The following ENKUR variants were observed in gnomAD, a reference collection of about 807,000 sequenced individuals.
ENKUR encodes the protein enkurin, TRPC channel interacting protein.
A neutral mutation model predicts 27.6 loss-of-function variants in ENKUR; 19 were observed. The ratio of observed to expected loss-of-function variants is 0.69; its 90% CI spans 0.48 to 1.01. ENKUR has a LOEUF of 1.01. ENKUR is among the 50% of genes least tolerant of loss of function. The pLI is 0.00. For synonymous variants in ENKUR, 117 were observed against 96.9 expected (o/e 1.21, Z -1.22); for missense variants, 312 against 310.5 (o/e 1.00, Z -0.04).
chr10:25,040,260 T>C (rs143924254), intron 2 of ENKUR, among the ~76,000 whole-genome samples: 11 of 152,252 alleles, frequency 7.2e-5, no homozygotes, highest in Admixed American at 1.3e-4. Flanking sequence ...GAAACAGATT[T>C]CACTCCTTGA....
chr10:25,000,268 G>A (rs1213111681), intron 1 of ENKUR, among the ~76,000 whole-genome samples: 1 of 152,074 alleles, frequency 6.6e-6, no homozygotes, highest in Non-Finnish European at 1.5e-5. Context: ...TAAATGTTCT[G>A]TATACACTTG....
chr10:25,017,284 A>T (rs1027006460), upstream of ENKUR, among the ~76,000 whole-genome samples: 3 of 152,136 alleles, frequency 2.0e-5, no homozygotes, highest in Admixed American at 1.3e-4. Flanking sequence ...TCACCCGTAA[A>T]TCTATGCACA....
At chr10:25,016,361 T>C (rs935328315), upstream of ENKUR, among the ~76,000 whole-genome samples, 9 of 152,190 alleles carry the variant, frequency 5.9e-5, no homozygotes, top group South Asian at 1.0e-3. Context: ...TCTGTGTATC[T>C]GGGGAAAAAA....
At chr10:24,997,752 A>C (rs1037526760) in intron 2 of ENKUR, among the ~76,000 whole-genome samples, 2 of 151,476 alleles carry the variant, frequency 1.3e-5, no homozygotes, top group African/African-American at 4.9e-5. Context: ...CTTTTGCCTT[A>C]CAATGTTTAC....
chr10:25,049,609 G>GA, intron 2 of ENKUR, among the ~76,000 whole-genome samples: 1 of 151,982 alleles, frequency 6.6e-6, no homozygotes, highest in Admixed American at 6.6e-5. Flanking sequence ...CCAACATGGT[G>GA]AACCCTCATC....
chr10:24,987,386 C>A (rs1341803514), intron 4 of ENKUR, among the ~76,000 whole-genome samples: 1 of 152,032 alleles, frequency 6.6e-6, no homozygotes, highest in Non-Finnish European at 1.5e-5. Flanking sequence ...CCTGCAATCC[C>A]AACACTTTGA....
intron 2 of ENKUR, among the ~76,000 whole-genome samples, chr10:25,027,357 C>CAA (rs71399946): frequency 0.022 from 1,062 of 48,384 alleles, 127 homozygotes; most frequent in Non-Finnish European, 0.03. Context: ...ACTCCCGTCT[C>CAA]AAAAAAAAAA....
Position 25,061,386 on chromosome 10 carries a change from C to T in ENKUR, c.-221-17G>A, listed in dbSNP as rs1851326019. On this transcript the variant is annotated splice_polypyrimidine_tract_variant and intron_variant, in intron 1 of 5. Transcript: ENST00000615958. ...TCATGGGCTCTGGAAGGAGGAGTAA[C>T]AGTGCACAGATGGCAAGGTGGAACC... 3 of 518,692 alleles carry T rather than the reference C, an allele frequency of 5.8e-6. No individual in the cohort carries two copies. In the South Asian group the frequency reaches 8.0e-5, roughly 14 times the overall value. 32.1% of individuals were successfully genotyped at this position (518,692 alleles called of 1,614,324 possible). A position where few individuals can be genotyped will look rare whatever the true frequency, so the allele number is the denominator to read the frequency against.
At chr10:25,023,295 A>C (rs1850761581) in intron 2 of ENKUR, 1 of 1,614,040 alleles carries the variant, frequency 6.2e-7, no homozygotes, top group African/African-American at 1.3e-5. Flanking sequence ...TACATGTTAA[A>C]ACGGATAAAC....
intron 1 of ENKUR, among the ~76,000 whole-genome samples, chr10:25,007,385 C>T (rs1487325416): frequency 4.6e-5 from 7 of 152,010 alleles, no homozygotes; most frequent in Admixed American, 4.6e-4. Flanking sequence ...GTGCTAATGC[C>T]TTTTACCACG....
chr10:25,023,480 T>G (rs1432192570), intron 2 of ENKUR: 1 of 1,614,154 alleles, frequency 6.2e-7, no homozygotes, highest in East Asian at 2.2e-5. Flanking sequence ...GTCATAGATG[T>G]GGATGATGAT....
rs566006980 is a variant in ENKUR at position 24,982,501 on chromosome 10, G to C, written c.*1869C>G. The C allele has an allele frequency of 6.6e-6, 1 of 152,338 alleles. No homozygotes were observed. The highest frequency in any genetic ancestry group is 6.5e-5 in the Admixed American group (1 of 15,302). 9.4% of individuals were successfully genotyped at this position (152,338 alleles called of 1,614,324 possible). A position where few individuals can be genotyped will look rare whatever the true frequency, so the allele number is the denominator to read the frequency against. Reference sequence around the variant, plus strand: ...AACCAAGTCAAACTAGCTGCATAATGAAGTTTGACTTTTTAGTTTCAGGTG... The same window carrying C: ...AACCAAGTCAAACTAGCTGCATAATCAAGTTTGACTTTTTAGTTTCAGGTG... On this transcript the variant is annotated 3_prime_UTR_variant, in exon 6 of 6. Coordinates refer to ENST00000331161, the MANE Select transcript of ENKUR (RefSeq NM_145010.4).
At chr10:25,058,813 C>T (rs556251212) in intron 2 of ENKUR, among the ~76,000 whole-genome samples, 1 of 151,938 alleles carries the variant, frequency 6.6e-6, no homozygotes, top group Non-Finnish European at 1.5e-5. Flanking sequence ...TGCCTGTAGT[C>T]CCAGCTACTC....
chr10:24,984,309 G>T lies in ENKUR; in HGVS notation c.*61C>A. 6.4e-7 allele frequency: 1 copy of T among 1,570,026 alleles called. No homozygotes were observed. Among genetic ancestry groups the T allele is most frequent in the Non-Finnish European group, 8.7e-7 (1 of 1,153,732 alleles). On this transcript the variant is annotated 3_prime_UTR_variant, in exon 6 of 6. Transcript: ENST00000331161. ...TGGAGACAGTTTAGAGTAGCAAGAA[G>T]GCACGTGTTACTATTTCCAGTTCAA...
At chr10:25,026,752 C>A (rs1310597898) in intron 2 of ENKUR, 1 of 153,286 alleles carries the variant, frequency 6.5e-6, no homozygotes, top group Admixed American at 6.5e-5. Flanking sequence ...TCTGGGAGAA[C>A]AACCTCCATA....
intron 4 of ENKUR, among the ~76,000 whole-genome samples, chr10:24,990,213 C>T (rs1849895297): frequency 6.6e-6 from 1 of 152,120 alleles, no homozygotes; most frequent in Non-Finnish European, 1.5e-5. Flanking sequence ...GGCTTCCTTA[C>T]AACACTAGTT....
intron 2 of ENKUR, among the ~76,000 whole-genome samples, chr10:25,046,611 TA>T (rs1851124922): frequency 6.6e-6 from 1 of 152,338 alleles, no homozygotes; most frequent in Non-Finnish European, 1.5e-5. Flanking sequence ...AACATAAGGA[TA>T]AAAATACCTG....
chr10:25,048,474 C>A (rs1002156598), intron 2 of ENKUR, among the ~76,000 whole-genome samples: 1 of 151,912 alleles, frequency 6.6e-6, no homozygotes, highest in African/African-American at 2.4e-5. Flanking sequence ...TCTGAGCATT[C>A]TGAGTTATAA....
chr10:25,020,887 G>A (rs1010957840), upstream of ENKUR, among the ~76,000 whole-genome samples: 2 of 152,144 alleles, frequency 1.3e-5, no homozygotes, highest in East Asian at 1.9e-4. Context: ...TGAATAGGAG[G>A]TTAATCAGAC....
Sources: allele counts gnomAD v4.1 joint callset (sites outside exome capture counted in the v4.1 genomes callset), GRCh38; gene constraint gnomAD v4.1.1; transcripts MANE v1.5; gene names NCBI Gene and HGNC (gene_info 2026-07-23, HGNC 2026-07-21).